RAPGEF4: variants seen among roughly 807,000 people sequenced by gnomAD.
RAPGEF4 encodes Rap guanine nucleotide exchange factor 4.
A neutral mutation model predicts 147.9 loss-of-function variants in RAPGEF4; 66 were observed. The ratio of observed to expected loss-of-function variants is 0.45; its 90% CI spans 0.37 to 0.55. The LOEUF is 0.55. Among genes scored for constraint, RAPGEF4 ranks in the 20% least tolerant of loss-of-function variants. The pLI is 0.00. For synonymous variants in RAPGEF4, 419 were observed against 442.7 expected (o/e 0.95, Z 0.67); for missense variants, 1,071 against 1,257.3 (o/e 0.85, Z 2.24).
intron 3 of RAPGEF4, among the ~76,000 whole-genome samples, chr2:172,814,066 A>C (rs961360472): frequency 1.3e-5 from 2 of 152,170 alleles, no homozygotes; most frequent in Non-Finnish European, 2.9e-5. Flanking sequence ...TCTTGCCTGG[A>C]AAGGGGCACG....
intron 3 of RAPGEF4, among the ~76,000 whole-genome samples, chr2:172,799,774 G>A (rs778855507): frequency 4.6e-5 from 7 of 151,404 alleles, no homozygotes; most frequent in Admixed American, 3.3e-4. Context: ...AGGAAATCTC[G>A]AGAAGGAGAG....
At chr2:172,860,191 A>G in intron 4 of RAPGEF4, 2 of 840,554 alleles carry the variant, frequency 2.4e-6, no homozygotes, top group Non-Finnish European at 2.6e-6. Flanking sequence ...CAACTTGACC[A>G]TGTTGCCTGA....
chr2:172,758,299 G>C (rs896918922), intron 1 of RAPGEF4, among the ~76,000 whole-genome samples: 1 of 152,142 alleles, frequency 6.6e-6, no homozygotes, highest in Non-Finnish European at 1.5e-5. Flanking sequence ...AGGAGAGGAA[G>C]TGAGACAGAG....
At chr2:172,751,500 G>A (rs1432746165) in intron 1 of RAPGEF4, among the ~76,000 whole-genome samples, 1 of 152,122 alleles carries the variant, frequency 6.6e-6, no homozygotes, top group Admixed American at 6.5e-5. Flanking sequence ...GGAACAGACG[G>A]TAAACAAATA....
intron 4 of RAPGEF4, among the ~76,000 whole-genome samples, chr2:172,884,821 G>C (rs1422347194): frequency 1.3e-5 from 2 of 152,166 alleles, no homozygotes; most frequent in African/African-American, 4.8e-5. Flanking sequence ...GCAGAGTTTT[G>C]TCTTTGATCA....
chr2:172,979,437 A>G (rs1020780805), intron 10 of RAPGEF4, among the ~76,000 whole-genome samples: 1 of 152,268 alleles, frequency 6.6e-6, no homozygotes, highest in Non-Finnish European at 1.5e-5. Context: ...TTTTCAGTAT[A>G]TACAAAGCTT....
intron 4 of RAPGEF4, among the ~76,000 whole-genome samples, chr2:172,915,385 C>T (rs535523066): frequency 2.3e-4 from 35 of 152,146 alleles, no homozygotes; most frequent in African/African-American, 7.9e-4. Flanking sequence ...GAAATTCCTG[C>T]TGAAATAATT....
chr2:172,890,923 A>G (rs1322172095), intron 4 of RAPGEF4, among the ~76,000 whole-genome samples: 7 of 152,208 alleles, frequency 4.6e-5, no homozygotes, highest in Admixed American at 1.3e-4. Flanking sequence ...TGAGGCCAGG[A>G]GTTCGAGACC....
intron 3 of RAPGEF4, among the ~76,000 whole-genome samples, chr2:172,803,563 A>G (rs538462066): frequency 5.3e-5 from 8 of 149,990 alleles, no homozygotes; most frequent in African/African-American, 1.7e-4. Context: ...AGGGGCCACC[A>G]TGAAGATCTC....
rs1242605865 is a variant in RAPGEF4 at position 172,819,461 on chromosome 2, C to CTTT, written c.444+5056_444+5058dup. ...AAGTCTTAGAATACCATTTTTAGTT[C>CTTT]TTTTTTTTTTTTTTTTTTTTTTGAG... On this transcript the variant is annotated intron_variant, in intron 4 of 30. Transcript: ENST00000397081. Among the ~76,000 whole-genome samples, 47 of 87,002 alleles carry CTTT rather than the reference C, an allele frequency of 5.4e-4. 1 individual carries two copies. The highest frequency in any genetic ancestry group is 0.01 in the Middle Eastern group (1 of 98). 57.1% of individuals were successfully genotyped at this position (87,002 alleles called of 152,430 possible).
chr2:172,802,384 A>G (rs1485718481), intron 3 of RAPGEF4, among the ~76,000 whole-genome samples: 1 of 152,182 alleles, frequency 6.6e-6, no homozygotes, highest in Non-Finnish European at 1.5e-5. Context: ...CACATCTTAC[A>G]TGGATGGCAG....
At chr2:172,826,718 G>A (rs1302376639) in intron 4 of RAPGEF4, among the ~76,000 whole-genome samples, 3 of 152,122 alleles carry the variant, frequency 2.0e-5, no homozygotes, top group African/African-American at 7.2e-5. Context: ...TGTAATCCCA[G>A]CACTTTGGGA....
At chr2:172,820,691 A>T (rs981073143) in intron 4 of RAPGEF4, among the ~76,000 whole-genome samples, 1 of 152,256 alleles carries the variant, frequency 6.6e-6, no homozygotes, top group Non-Finnish European at 1.5e-5. Flanking sequence ...TGGTAAAAAT[A>T]AGAAAGTGCA....
intron 1 of RAPGEF4, among the ~76,000 whole-genome samples, chr2:172,782,020 G>A (rs961738173): frequency 6.6e-6 from 1 of 152,146 alleles, no homozygotes; most frequent in Non-Finnish European, 1.5e-5. Context: ...CTTATTCTGT[G>A]GGTTCTTCAA....
chr2:172,739,684 T>A (rs2149414523), intron 1 of RAPGEF4, among the ~76,000 whole-genome samples: 1 of 152,360 alleles, frequency 6.6e-6, no homozygotes, highest in African/African-American at 2.4e-5. Context: ...TGTTTAATTT[T>A]AATGAAAATA....
intron 6 of RAPGEF4, chr2:172,928,488 A>G (rs144719846): frequency 9.2e-4 from 210 of 229,268 alleles, no homozygotes; most frequent in African/African-American, 4.6e-3. Context: ...TGTCCTGGAC[A>G]TTGTTCCTAG....
intron 4 of RAPGEF4, among the ~76,000 whole-genome samples, chr2:172,864,274 A>C (rs1448574714): frequency 6.6e-6 from 1 of 152,220 alleles, no homozygotes; most frequent in African/African-American, 2.4e-5. Flanking sequence ...GCAGGTTTAA[A>C]GTATGAGTGA....
chr2:172,767,218 G>A (rs1347596005), intron 1 of RAPGEF4, among the ~76,000 whole-genome samples: 4 of 131,732 alleles, frequency 3.0e-5, no homozygotes, highest in Admixed American at 8.0e-5. Flanking sequence ...TGCTCTTGTT[G>A]CCCAGGCTGG....
intron 1 of RAPGEF4, among the ~76,000 whole-genome samples, chr2:172,792,873 A>C (rs1685967243): frequency 6.6e-6 from 1 of 152,210 alleles, no homozygotes. Context: ...TGGGTTGTAC[A>C]TTCTTCTCCA....
Sources: allele counts gnomAD v4.1 joint callset (sites outside exome capture counted in the v4.1 genomes callset), GRCh38; gene constraint gnomAD v4.1.1; transcripts MANE v1.5; gene names NCBI Gene and HGNC (gene_info 2026-07-23, HGNC 2026-07-21).